The following KIF5B variants were observed in gnomAD, a reference collection of about 807,000 sequenced individuals.
KIF5B encodes the protein kinesin-1 heavy chain.
A neutral mutation model predicts 132.8 loss-of-function variants in KIF5B; 49 were observed. The observed-to-expected ratio is 0.37, with a 90% CI of 0.29 to 0.47. KIF5B has a LOEUF of 0.47. Ranked by LOEUF, KIF5B falls within the 20% of genes least tolerant of loss-of-function variation. The pLI is 1.00. For synonymous variants in KIF5B, 355 were observed against 369.4 expected, an observed-to-expected ratio of 0.96 and a Z score of 0.45; for missense variants, 780 against 1,144.0, an observed-to-expected ratio of 0.68 and a Z score of 4.59.
intron 15 of KIF5B, among the ~76,000 whole-genome samples, chr10:32,026,880 T>C (rs1392232926): frequency 6.6e-6 from 1 of 152,176 alleles, no homozygotes; most frequent in Non-Finnish European, 1.5e-5. Flanking sequence ...ATGTTCAGAC[T>C]GATGGTGAAG....
intron 6 of KIF5B, among the ~76,000 whole-genome samples, 165 bp from the exon 7 acceptor site, chr10:32,037,772 G>A (rs1841480221): frequency 6.6e-6 from 1 of 152,142 alleles, no homozygotes; most frequent in Non-Finnish European, 1.5e-5. Flanking sequence ...GGCAAAGGTT[G>A]CAGTGAGCCG....
Position 32,034,834 on chromosome 10 carries a change from T to C in KIF5B, c.967A>G (p.Lys323Glu). Reference sequence around the variant, plus strand: ...ACACAAACTGTGTTCTTAATTGTTTTGGCCCTAAGAGATGTAATTGGAGGA... The same window carrying C: ...ACACAAACTGTGTTCTTAATTGTTTCGGCCCTAAGAGATGTAATTGGAGGA... Reference protein sequence around the residue: ...KSTLLFGQRAKTIKNTVCVNV... With the variant: ...KSTLLFGQRAETIKNTVCVNV... The change falls in exon 11 of 26, where the codon AAA becomes GAA. Residue 323 changes from lysine (K) to glutamate (E), a missense_variant. Physicochemically the swap from Lys to Glu is moderately conservative, Grantham distance 56. Around this residue, in one of 9 missense-constraint regions of KIF5B, gnomAD observed 15 missense variants for 34.4 expected, o/e 0.44. Transcript: ENST00000302418. 1.3e-6 allele frequency: 2 copies of C among 1,581,520 alleles called. No homozygotes were observed. The highest frequency in any genetic ancestry group is 8.6e-7 in the Non-Finnish European group (1 of 1,169,578).
In KIF5B at chr10:32,017,204, A is replaced by G; in HGVS notation, c.2700T>C (p.Asp900=). The part of the protein sequence containing the change: ...RDRKRYQQEV[D]RIKEAVRSKN... ...TTGACCTGACTGCTTCCTTTATGCG[A>G]TCTACTTCTTGCTGATAGCGTTTGC... The change falls in exon 24 of 26, where the codon GAT becomes GAC. Residue 900 remains aspartate (D), a synonymous_variant. Transcript: ENST00000302418. 6.2e-7 allele frequency: 1 copy of G among 1,614,164 alleles called. No homozygotes were observed. The highest frequency in any genetic ancestry group is 8.5e-7 in the Non-Finnish European group (1 of 1,180,024).
chr10:32,055,676 C>T (rs1164768492), intron 1 of KIF5B, among the ~76,000 whole-genome samples, 172 bp downstream of exon 1: 1 of 152,184 alleles, frequency 6.6e-6, no homozygotes, highest in South Asian at 2.1e-4. Context: ...CAGGAACGCA[C>T]GCGAGGCTGC....
rs1171418777 is a variant in KIF5B, at chr10:32,028,522, G to A, written c.1631C>T (p.Thr544Ile). ...AGCTGCTCGTTTTTTCTGGTGGTTGGTCATTTCCTTAAGTTTCTGAAGCTC... is the reference window on the plus strand; with the variant it reads ...AGCTGCTCGTTTTTTCTGGTGGTTGATCATTTCCTTAAGTTTCTGAAGCTC... ...DAELQKLKEM[T>I]NHQKKRAAEM... Residue 544 changes from threonine to isoleucine, a missense_variant, in exon 15 of 26, where the codon ACC (threonine) becomes ATC (isoleucine). Around this residue, in one of 9 missense-constraint regions of KIF5B, gnomAD observed 471 missense variants for 569.9 expected, o/e 0.83. Coordinates refer to ENST00000302418, the MANE Select transcript of KIF5B (RefSeq NM_004521.3). 6.8e-6 allele frequency: 11 copies of A among 1,613,590 alleles called. No individual in the cohort carries two copies. Among genetic ancestry groups the A allele is most frequent in the East Asian group, 2.2e-5 (1 of 44,866 alleles).
intron 25 of KIF5B, among the ~76,000 whole-genome samples, chr10:32,011,976 A>G (rs193211006): frequency 3.3e-5 from 5 of 152,320 alleles, no homozygotes; most frequent in Admixed American, 3.3e-4. Context: ...AGGTGTATAC[A>G]GTAGGAAAAG....
chr10:32,021,759 T>C (rs1440807489), intron 17 of KIF5B, among the ~76,000 whole-genome samples: 1 of 152,040 alleles, frequency 6.6e-6, no homozygotes, highest in Admixed American at 6.5e-5. Context: ...GATCACGAGG[T>C]CAGGAGATCA....
chr10:32,037,654 G>A (rs1554802162), intron 6 of KIF5B, 47 bp from the exon 7 acceptor site: 1 of 1,402,262 alleles, frequency 7.1e-7, no homozygotes, highest in Non-Finnish European at 1.0e-6. Context: ...CCAACATGAT[G>A]AAACCCTTTC....
chr10:32,014,382 G>T (rs570794695), intron 25 of KIF5B, among the ~76,000 whole-genome samples: 1 of 151,166 alleles, frequency 6.6e-6, no homozygotes, highest in East Asian at 1.9e-4. Flanking sequence ...CAAGAACGAG[G>T]CTCCGTCTCG....
At position 32,056,272 on chromosome 10, in the gene KIF5B, G is replaced by T; in HGVS notation, c.-299C>A. ...CAGCGTCCCCCTTTACGGTCTGGGC[G>T]GACTGCGGGGGCTGGGGAGGTTCTG... is the stretch of plus-strand genomic sequence containing the variant. On this transcript the variant is annotated 5_prime_UTR_variant, in exon 1 of 26. Coordinates refer to ENST00000302418, the MANE Select transcript of KIF5B (RefSeq NM_004521.3). The T allele has an allele frequency of 2.8e-6, 1 of 360,318 alleles. No homozygotes were observed. Among genetic ancestry groups the T allele is most frequent in the South Asian group, 2.9e-5 (1 of 34,938 alleles). 22.3% of individuals were successfully genotyped at this position (360,318 alleles called of 1,614,324 possible).
Position 32,028,569 on chromosome 10 carries a change from T to A in KIF5B, c.1584A>T (p.Ala528=). Residue 528 remains alanine, a splice_region_variant and synonymous_variant, in exon 15 of 26, where the codon GCA becomes GCT. Transcript: ENST00000302418. The stretch of plus-strand genomic sequence containing the variant: ...GCTCAGCATCTATACTCGCTAAAGT[T>A]GCCTAAGAGAACCCAAAACAAAAAG... The part of the protein sequence containing the change: ...LLSDELNQKS[A]TLASIDAELQ... 6.2e-7 allele frequency: 1 copy of A among 1,606,290 alleles called. No individual in the cohort carries two copies. The highest frequency in any genetic ancestry group is 8.5e-7 in the Non-Finnish European group (1 of 1,177,478).
chr10:32,050,197 TCC>T (rs1225966362), intron 1 of KIF5B, among the ~76,000 whole-genome samples: 1 of 151,984 alleles, frequency 6.6e-6, no homozygotes, highest in African/African-American at 2.4e-5. Flanking sequence ...ACCCTCCACA[TCC>T]CCACTTCAAA....
intron 24 of KIF5B, among the ~76,000 whole-genome samples, chr10:32,016,387 C>G (rs1317600257): frequency 6.6e-6 from 1 of 151,724 alleles, no homozygotes; most frequent in Non-Finnish European, 1.5e-5. Context: ...ACCCAGGAGG[C>G]AGAGGTTGCA....
intron 23 of KIF5B, 137 bp downstream of exon 23, chr10:32,017,915 C>T (rs1451102708): frequency 6.2e-6 from 3 of 480,916 alleles, no homozygotes; most frequent in Non-Finnish European, 1.1e-5. Flanking sequence ...CTTATGGTTT[C>T]TTTATATAAT....
intron 24 of KIF5B, 137 bp downstream of exon 24, chr10:32,017,006 C>A: frequency 1.4e-6 from 1 of 727,098 alleles, no homozygotes. Context: ...TTCCTCTTTC[C>A]CAACAGTGCC....
chr10:32,037,463 TGGATAA>T, intron 7 of KIF5B, 51 bp downstream of exon 7: 1 of 1,585,656 alleles, frequency 6.3e-7, no homozygotes, highest in Non-Finnish European at 8.7e-7. Flanking sequence ...ATTAATCACC[TGGATAA>T]GGATATTTTA....
At chr10:32,027,040 T>TTTCC (rs1285948409) in intron 15 of KIF5B, among the ~76,000 whole-genome samples, 1 of 94,854 alleles carries the variant, frequency 1.1e-5, no homozygotes, top group Non-Finnish European at 2.6e-5. Flanking sequence ...TTAAAAATAT[T>TTTCC]TTTTCTTCAT....
chr10:32,038,944 A>G lies in KIF5B; in HGVS notation c.394-118T>C, dbSNP rs980427085. The G allele has an allele frequency of 5.3e-5, 35 of 663,514 alleles. No homozygotes were observed. In the East Asian group the frequency reaches 9.9e-4, roughly 19 times the overall value. The allele number at this position is 663,514 out of a possible 1,614,324, so 41.1% of individuals were successfully genotyped here. ...AGAGACAGTTATCAACATACCAGCC[A>G]TAGCTCACATTCTAATGGGAAGACA... is the stretch of plus-strand genomic sequence containing the variant. On this transcript the variant is annotated intron_variant, in intron 4 of 25. Coordinates refer to ENST00000302418, the MANE Select transcript of KIF5B (RefSeq NM_004521.3).
In KIF5B at chr10:32,048,578, A is replaced by C. The variant is rs376485137; in HGVS notation, c.127-27T>G. The stretch of plus-strand genomic sequence containing the variant: ...TGAAAAACAAAAAAGTGTTTCAACT[A>C]TACAAATTAAAGGTAAATGAACATT... On this transcript the variant is annotated intron_variant, in intron 1 of 25. Coordinates refer to ENST00000302418, the MANE Select transcript of KIF5B (RefSeq NM_004521.3). 32 of 1,528,472 alleles carry C rather than the reference A, an allele frequency of 2.1e-5. No homozygotes were observed. In the African/African-American group the frequency reaches 3.6e-4, roughly 17 times the overall value. 94.7% of individuals were successfully genotyped at this position (1,528,472 alleles called of 1,614,324 possible).
Sources: allele counts gnomAD v4.1 joint callset (sites outside exome capture counted in the v4.1 genomes callset), GRCh38; gene constraint gnomAD v4.1.1; regional missense constraint gnomAD v4.1.1; transcripts MANE v1.5; gene names NCBI Gene and HGNC (gene_info 2026-07-23, HGNC 2026-07-21).